The following DTNB variants were observed in gnomAD, a reference collection of about 807,000 sequenced individuals.
DTNB encodes the protein dystrobrevin beta, also known as DTN-B.
In DTNB, 63 loss-of-function variants were observed where a neutral mutation model predicts 90.7. The ratio of observed to expected loss-of-function variants is 0.69; its 90% CI spans 0.57 to 0.86. The LOEUF (loss-of-function observed/expected upper bound fraction) is 0.86. DTNB is among the 40% of genes least tolerant of loss of function. The pLI is 0.00. For synonymous variants in DTNB, 277 were observed against 286.7 expected (o/e 0.97, Z 0.34); for missense variants, 744 against 807.1 (o/e 0.92, Z 0.95).
chr2:25,591,321 A>G (rs1411046149), intron 6 of DTNB, among the ~76,000 whole-genome samples: 1 of 152,160 alleles, frequency 6.6e-6, no homozygotes, highest in Non-Finnish European at 1.5e-5. Context: ...AATAGGGTGG[A>G]GCTTCTGCCT....
chr2:25,569,017 A>G (rs1217134464), intron 8 of DTNB, among the ~76,000 whole-genome samples: 3 of 152,162 alleles, frequency 2.0e-5, no homozygotes, highest in Non-Finnish European at 4.4e-5. Flanking sequence ...AAGAGGTGAG[A>G]AGCACAAGCC....
intron 10 of DTNB, among the ~76,000 whole-genome samples, chr2:25,462,860 C>T (rs945085935): frequency 1.3e-5 from 2 of 152,152 alleles, no homozygotes; most frequent in South Asian, 2.1e-4. Flanking sequence ...CCCGCCACCA[C>T]GCCCGGCTAA....
intron 2 of DTNB, among the ~76,000 whole-genome samples, chr2:25,648,002 A>G (rs1316976049): frequency 6.6e-6 from 1 of 152,200 alleles, no homozygotes; most frequent in Non-Finnish European, 1.5e-5. Flanking sequence ...ACAAAGATAC[A>G]CAAAGAGGAC....
At chr2:25,652,688 C>T in intron 1 of DTNB, 27 bp from the exon 2 acceptor site, 1 of 1,602,088 alleles carries the variant, frequency 6.2e-7, no homozygotes, top group South Asian at 1.1e-5. Flanking sequence ...ATACAATAAA[C>T]CACTGTATAA....
intron 9 of DTNB, among the ~76,000 whole-genome samples, chr2:25,526,395 A>ATATATATATATATATATATATATAT: frequency 4.0e-5 from 2 of 49,858 alleles, no homozygotes; most frequent in Non-Finnish European, 6.7e-5. Flanking sequence ...ATATATATAT[A>ATATATATATATATATATATATATAT]TTTTTTTTTT....
At chr2:25,614,593 T>C (rs569492536) in intron 4 of DTNB, among the ~76,000 whole-genome samples, 6 of 152,240 alleles carry the variant, frequency 3.9e-5, no homozygotes, top group Admixed American at 3.3e-4. Flanking sequence ...ATGTTCAAGA[T>C]CTGTATGCTG....
At chr2:25,628,079 A>C (rs1431491281) in intron 4 of DTNB, 92 bp downstream of exon 4, 5 of 1,368,526 alleles carry the variant, frequency 3.7e-6, no homozygotes, top group Non-Finnish European at 5.1e-6. Flanking sequence ...CCAGCTTAGC[A>C]AGGCAACTTA....
At position 25,539,577 on chromosome 2, in the gene DTNB, C is replaced by CTT. The variant is rs376900916; in HGVS notation, c.877-7982_877-7981dup. On this transcript the variant is annotated intron_variant, in intron 8 of 20. Transcript: ENST00000406818. ...TTGTCATAGGGTTGCACTGGATTGC[C>CTT]TTTTTTTTTTTTTTTTTTAACTCAT... Among the ~76,000 whole-genome samples the CTT allele has an allele frequency of 5.9e-3, 730 of 123,304 alleles. 6 individuals carry two copies. The highest frequency in any genetic ancestry group is 9.7e-3 in the Admixed American group (120 of 12,344). 80.9% of individuals were successfully genotyped at this position (123,304 alleles called of 152,430 possible).
chr2:25,547,725 T>C (rs2082736418), intron 8 of DTNB, among the ~76,000 whole-genome samples: 1 of 152,214 alleles, frequency 6.6e-6, no homozygotes, highest in South Asian at 2.1e-4. Context: ...GAATGGTATA[T>C]ATCAAATGAA....
chr2:25,576,921 G>A lies in DTNB; in HGVS notation c.793C>T (p.Gln265Ter). Reference protein sequence around the residue: ...RYRCQQCHNYQLCQNCFWRGH... With the variant: ...RYRCQQCHNY ...CGCCAAAAGCAATTCTGGCAGAGCTGATAGTTGTGGCACTGCTGGCATCGG... is the reference window on the plus strand; with the variant it reads ...CGCCAAAAGCAATTCTGGCAGAGCTAATAGTTGTGGCACTGCTGGCATCGG... The change falls in exon 8 of 21, where the codon CAG (glutamine) becomes TAG (stop). Residue 265 changes from glutamine (Q) to a stop codon, truncating the protein, a stop_gained. Coordinates refer to ENST00000406818, the MANE Select transcript of DTNB (RefSeq NM_021907.5). LOFTEE classifies it high-confidence loss of function. 6.2e-7 allele frequency: 1 copy of A among 1,613,192 alleles called. No homozygotes were observed. The highest frequency in any genetic ancestry group is 8.5e-7 in the Non-Finnish European group (1 of 1,179,608).
intron 8 of DTNB, among the ~76,000 whole-genome samples, chr2:25,534,872 C>A (rs1194192779): frequency 7.1e-6 from 1 of 141,142 alleles, no homozygotes; most frequent in African/African-American, 2.7e-5. Context: ...TGGGCAGAGG[C>A]GCTCCTCACT....
chr2:25,541,063 A>G (rs2081146012), intron 8 of DTNB, among the ~76,000 whole-genome samples: 1 of 152,084 alleles, frequency 6.6e-6, no homozygotes, highest in Non-Finnish European at 1.5e-5. Context: ...AAAAAAAAAA[A>G]AGAAAAGCTA....
intron 4 of DTNB, among the ~76,000 whole-genome samples, chr2:25,611,040 T>C (rs894777069): frequency 1.9e-4 from 29 of 152,244 alleles, no homozygotes; most frequent in Non-Finnish European, 8.8e-5. Context: ...TCTAGTATCA[T>C]AGGTCAGATT....
rs576514552 is a variant in DTNB at position 25,431,379 on chromosome 2, C to T, written c.1457+1507G>A. 5.9e-4 allele frequency among the ~76,000 whole-genome samples: 90 copies of T among 152,186 alleles called. 3 individuals carry two copies. In the South Asian group the frequency reaches 0.017, roughly 28 times the overall value. ...TATTCATGTTGAATCCATCTGGTGT[C>T]GGTTTTTGTAATTAGTGTGAAGTAG... On this transcript the variant is annotated intron_variant, in intron 14 of 20. Transcript: ENST00000406818.
intron 10 of DTNB, among the ~76,000 whole-genome samples, chr2:25,468,576 T>A (rs2062211127): frequency 6.6e-6 from 1 of 151,742 alleles, no homozygotes. Context: ...TGACAAGGGG[T>A]CAACACGAGT....
chr2:25,472,998 G>C (rs573526822), intron 10 of DTNB, among the ~76,000 whole-genome samples: 2 of 152,154 alleles, frequency 1.3e-5, no homozygotes, highest in Non-Finnish European at 2.9e-5. Flanking sequence ...ACACTTCCAC[G>C]CTACCAGACA....
At chr2:25,526,395 A>ATATT in intron 9 of DTNB, among the ~76,000 whole-genome samples, 50 of 49,824 alleles carry the variant, frequency 1.0e-3, no homozygotes, top group South Asian at 2.7e-3. Flanking sequence ...ATATATATAT[A>ATATT]TTTTTTTTTT....
intron 6 of DTNB, among the ~76,000 whole-genome samples, chr2:25,588,204 A>G (rs764185668): frequency 1.8e-4 from 28 of 151,966 alleles, no homozygotes; most frequent in Non-Finnish European, 3.4e-4. Context: ...AAAAGGCTCT[A>G]AAAAGCACCT....
Position 25,427,616 on chromosome 2 carries a change from T to C in DTNB, c.1473A>G (p.Glu491=). 6.2e-7 allele frequency: 1 copy of C among 1,613,372 alleles called. No homozygotes were observed. The highest frequency in any genetic ancestry group is 2.2e-5 in the East Asian group (1 of 44,860). Residue 491 remains glutamate (E), a synonymous_variant, in exon 15 of 21, where the codon GAA becomes GAG. Transcript: ENST00000406818. ...GCAGGGCCGACATCCTCTGCTCCAG[T>C]TCATCCTTCCTTTGCCTATCCAAGA... ...ELRLLRQRKD[E]LEQRMSALQE...
Sources: allele counts gnomAD v4.1 joint callset (sites outside exome capture counted in the v4.1 genomes callset), GRCh38; gene constraint gnomAD v4.1.1; transcripts MANE v1.5; gene names NCBI Gene and HGNC (gene_info 2026-07-23, HGNC 2026-07-21).